The following FGD4 variants were observed in gnomAD, a reference collection of about 807,000 sequenced individuals.
FGD4 encodes the protein FYVE, RhoGEF and PH domain-containing protein 4.
A neutral mutation model predicts 102.0 loss-of-function variants in FGD4; 42 were observed. The observed-to-expected ratio is 0.41, with a 90% CI of 0.32 to 0.53. FGD4 has a LOEUF of 0.53. Ranked by LOEUF, FGD4 falls within the 20% of genes least tolerant of loss-of-function variation. FGD4 has a pLI of 0.21. For missense variants in FGD4, 902 were observed against 1,078.2 expected (o/e 0.84, Z 2.29); for synonymous variants, 380 against 375.7 (o/e 1.01, Z -0.13).
At chr12:32,612,668 TATCATTTCCTGAC>T (rs570920351) in intron 10 of FGD4, among the ~76,000 whole-genome samples, 138 of 152,346 alleles carry the variant, frequency 9.1e-4, no homozygotes, top group Non-Finnish European at 1.4e-3. Context: ...TTTGTTGGTG[TATCATTTCCTGAC>T]ATCAATTCTC....
At chr12:32,573,608 G>A (rs1565858715) in intron 2 of FGD4, among the ~76,000 whole-genome samples, 2 of 152,208 alleles carry the variant, frequency 1.3e-5, no homozygotes, top group African/African-American at 2.4e-5. Context: ...AAGACAGTGT[G>A]TCTAACTTTA....
intron 7 of FGD4, among the ~76,000 whole-genome samples, chr12:32,603,706 ATT>A (rs529903811): frequency 7.1e-6 from 1 of 140,768 alleles, no homozygotes; most frequent in African/African-American, 2.6e-5. Context: ...AATGTTTATT[ATT>A]TTTTTTTTTT....
intron 1 of FGD4, among the ~76,000 whole-genome samples, chr12:32,529,637 G>T (rs1382515336): frequency 6.6e-6 from 1 of 151,462 alleles, no homozygotes; most frequent in Admixed American, 6.6e-5. Flanking sequence ...GAGGTCAGGA[G>T]CTCGAGACCA....
At chr12:32,425,714 T>G (rs1189837504) in intron 1 of FGD4, among the ~76,000 whole-genome samples, 1 of 152,194 alleles carries the variant, frequency 6.6e-6, no homozygotes, top group East Asian at 1.9e-4. Flanking sequence ...GAATGGAATG[T>G]TTTTCCATTT....
Position 32,634,944 on chromosome 12 carries a change from C to G in FGD4, c.2313+1255C>G, listed in dbSNP as rs189714187. Among the ~76,000 whole-genome samples the G allele has an allele frequency of 4.6e-5, 7 of 151,846 alleles. No homozygotes were observed. In the East Asian group the frequency reaches 1.3e-3, roughly 29 times the overall value. ...CGGAGATTGCAGTGAGCCAAGATTG[C>G]GCCACTGCACTCCAGCCTGGTGACA... On this transcript the variant is annotated intron_variant, in intron 15 of 16. Coordinates refer to ENST00000534526, the MANE Select transcript of FGD4 (RefSeq NM_001370298.3).
At chr12:32,507,950 G>T (rs1273695634) in intron 1 of FGD4, among the ~76,000 whole-genome samples, 6 of 152,198 alleles carry the variant, frequency 3.9e-5, no homozygotes, top group Non-Finnish European at 8.8e-5. Flanking sequence ...TTAGCCCTCA[G>T]ATTCATGTAT....
At chr12:32,616,698 CTG>C (rs2136838480) in intron 10 of FGD4, among the ~76,000 whole-genome samples, 1 of 152,280 alleles carries the variant, frequency 6.6e-6, no homozygotes, top group East Asian at 1.9e-4. Context: ...GAAAACCAAA[CTG>C]TATTTAGAAT....
intron 1 of FGD4, among the ~76,000 whole-genome samples, chr12:32,476,414 G>T (rs578021862): frequency 6.6e-6 from 1 of 152,182 alleles, no homozygotes; most frequent in African/African-American, 2.4e-5. Flanking sequence ...CTGACAGCTC[G>T]ATTAGATTTA....
At chr12:32,418,695 C>T (rs1329965772) in intron 1 of FGD4, among the ~76,000 whole-genome samples, 1 of 152,150 alleles carries the variant, frequency 6.6e-6, no homozygotes, top group Non-Finnish European at 1.5e-5. Context: ...TGCCCAAGGC[C>T]CGGTGTAACC....
chr12:32,461,496 A>T (rs759693507), intron 1 of FGD4, among the ~76,000 whole-genome samples: 7 of 152,036 alleles, frequency 4.6e-5, no homozygotes, highest in Non-Finnish European at 8.8e-5. Context: ...TTCTTTTGAC[A>T]TGTTTTTGCC....
intron 1 of FGD4, among the ~76,000 whole-genome samples, chr12:32,548,371 C>A (rs1231236580): frequency 6.6e-6 from 1 of 152,184 alleles, no homozygotes; most frequent in Non-Finnish European, 1.5e-5. Context: ...CTACTTAGAA[C>A]TACAGGCCAG....
chr12:32,498,574 C>T (rs1236457747), intron 1 of FGD4, among the ~76,000 whole-genome samples: 1 of 152,012 alleles, frequency 6.6e-6, no homozygotes, highest in East Asian at 1.9e-4. Flanking sequence ...TGCTAAATTG[C>T]TGGGTCAAAG....
At chr12:32,475,820 T>G (rs1237229406) in intron 1 of FGD4, among the ~76,000 whole-genome samples, 1 of 152,230 alleles carries the variant, frequency 6.6e-6, no homozygotes, top group Non-Finnish European at 1.5e-5. Flanking sequence ...ATCTTTGCCC[T>G]AAGGCCATTT....
intron 1 of FGD4, among the ~76,000 whole-genome samples, chr12:32,468,381 T>G (rs1943326202): frequency 6.6e-6 from 1 of 152,286 alleles, no homozygotes; most frequent in East Asian, 1.9e-4. Context: ...TAAAAATAGC[T>G]GACCGACACA....
At chr12:32,549,962 G>T (rs1943523409) in intron 1 of FGD4, among the ~76,000 whole-genome samples, 1 of 152,050 alleles carries the variant, frequency 6.6e-6, no homozygotes, top group African/African-American at 2.4e-5. Context: ...CTTCCCCCTC[G>T]GCACGGCCTT....
At chr12:32,494,404 C>T (rs1225285919) in intron 1 of FGD4, among the ~76,000 whole-genome samples, 6 of 152,042 alleles carry the variant, frequency 3.9e-5, no homozygotes, top group Non-Finnish European at 7.4e-5. Context: ...TTACCCACCT[C>T]CAGCCGTATA....
intron 1 of FGD4, among the ~76,000 whole-genome samples, chr12:32,466,263 C>A (rs1943250037): frequency 6.6e-6 from 1 of 152,096 alleles, no homozygotes. Flanking sequence ...CCTGCAGTAT[C>A]TCTGAGTGTG....
At chr12:32,541,723 G>T (rs1263753105) in intron 1 of FGD4, among the ~76,000 whole-genome samples, 1 of 152,110 alleles carries the variant, frequency 6.6e-6, no homozygotes, top group Non-Finnish European at 1.5e-5. Flanking sequence ...GGAGTAGAGG[G>T]TATCACCAAG....
At chr12:32,564,566 G>A (rs565058853) in intron 2 of FGD4, among the ~76,000 whole-genome samples, 1 of 152,290 alleles carries the variant, frequency 6.6e-6, no homozygotes, top group South Asian at 2.1e-4. Context: ...TATTATGCCT[G>A]ATCTAGTACA....
Sources: allele counts gnomAD v4.1 joint callset (sites outside exome capture counted in the v4.1 genomes callset), GRCh38; gene constraint gnomAD v4.1.1; transcripts MANE v1.5; gene names NCBI Gene and HGNC (gene_info 2026-07-23, HGNC 2026-07-21).